Variants in NCKAP5 observed in about 807,000 individuals in gnomAD.
NCKAP5 encodes the protein nck-associated protein 5.
A neutral mutation model predicts 167.0 loss-of-function variants in NCKAP5; 92 were observed. That is an observed-to-expected ratio of 0.55 (90% CI 0.47 to 0.66). NCKAP5 has a LOEUF of 0.66. Among genes scored for constraint, NCKAP5 ranks in the 30% least tolerant of loss-of-function variants. The pLI is 0.00. For synonymous variants in NCKAP5, 891 were observed against 877.4 expected, an observed-to-expected ratio of 1.02 and a Z score of -0.27; for missense variants, 2,378 against 2,315.0, an observed-to-expected ratio of 1.03 and a Z score of -0.56.
chr2:132,982,744 A>G (rs941425912), intron 7 of NCKAP5, among the ~76,000 whole-genome samples: 10 of 152,124 alleles, frequency 6.6e-5, no homozygotes, highest in Non-Finnish European at 1.3e-4. Context: ...GCTCCTTCTT[A>G]TAAGTGACAA....
chr2:133,649,301 C>G, the NCKAP5 span, among the ~76,000 whole-genome samples: 3 of 150,910 alleles, frequency 2.0e-5, no homozygotes, highest in African/African-American at 7.3e-5. Context: ...TGAATACTAC[C>G]AAACTTTAAA....
intron 4 of NCKAP5, among the ~76,000 whole-genome samples, chr2:133,293,798 C>G (rs1483018256): frequency 6.6e-6 from 1 of 152,136 alleles, no homozygotes; most frequent in African/African-American, 2.4e-5. Flanking sequence ...TGGCAGGGGT[C>G]TGGGACTGTC....
intron 6 of NCKAP5, among the ~76,000 whole-genome samples, chr2:133,058,349 C>A (rs556784666): frequency 7.9e-4 from 120 of 152,246 alleles, no homozygotes; most frequent in Admixed American, 1.8e-3. Context: ...TTCCTCTGAT[C>A]CATCTGAGAA....
At chr2:132,739,906 A>G (rs550968359) in intron 16 of NCKAP5, among the ~76,000 whole-genome samples, 1 of 152,302 alleles carries the variant, frequency 6.6e-6, no homozygotes, top group South Asian at 2.1e-4. Context: ...AAAAGCCTAT[A>G]CAAATGATGT....
intron 1 of NCKAP5, among the ~76,000 whole-genome samples, chr2:133,567,631 A>T (rs1057386871): frequency 6.6e-5 from 10 of 151,004 alleles, no homozygotes; most frequent in Non-Finnish European, 1.5e-4. Context: ...TTTTTGATAC[A>T]TACACATTCC....
intron 1 of NCKAP5, among the ~76,000 whole-genome samples, chr2:133,560,002 G>T (rs1442006356): frequency 1.3e-5 from 2 of 152,032 alleles, no homozygotes; most frequent in East Asian, 3.8e-4. Context: ...TTATTCATTT[G>T]CTCTCATACC....
chr2:132,782,522 C>T lies in NCKAP5; in HGVS notation c.4289G>A (p.Arg1430Lys), dbSNP rs777910095. Reference protein sequence around the residue: ...DCPEALQSPGRTQHPSTFETS... With the variant: ...DCPEALQSPGKTQHPSTFETS... Reference sequence around the variant, plus strand: ...TTCAAAAGTGCTTGGATGCTGAGTCCTCCCTGGGCTCTGCAGGGCTTCAGG... The same window carrying T: ...TTCAAAAGTGCTTGGATGCTGAGTCTTCCCTGGGCTCTGCAGGGCTTCAGG... Residue 1430 changes from arginine (R) to lysine (K), a missense_variant, in exon 14 of 20, where the codon AGG becomes AAG. Transcript: ENST00000409261. 6.3e-7 allele frequency: 1 copy of T among 1,599,308 alleles called. No homozygotes were observed. The highest frequency in any genetic ancestry group is 8.5e-7 in the Non-Finnish European group (1 of 1,173,274).
intron 3 of NCKAP5, among the ~76,000 whole-genome samples, chr2:133,389,069 G>C (rs1687213661): frequency 1.3e-5 from 2 of 152,176 alleles, no homozygotes; most frequent in South Asian, 4.1e-4. Context: ...ACAAGCCCCA[G>C]TGAGATGAAC....
Position 133,213,727 on chromosome 2 carries a change from C to T in NCKAP5, c.196G>A (p.Glu66Lys), listed in dbSNP as rs2086305723. The T allele has an allele frequency of 6.2e-7, 1 of 1,613,756 alleles. No homozygotes were observed. Among genetic ancestry groups the T allele is most frequent in the Admixed American group, 1.7e-5 (1 of 59,988 alleles). ...LQREVAQRTS[E>K]GAMHEKLIHE... ...CAGTCAGGACTTACCATGGCCCCCT[C>T]ACTTGTTCTTTGGGCAACTTCTCGC... Residue 66 changes from glutamate (E) to lysine (K), a missense_variant, in exon 5 of 20, where the codon GAG becomes AAG. Transcript: ENST00000409261.
intron 8 of NCKAP5, among the ~76,000 whole-genome samples, chr2:132,921,612 G>A (rs1464038402): frequency 6.6e-6 from 1 of 152,190 alleles, no homozygotes; most frequent in Admixed American, 6.5e-5. Flanking sequence ...AAGGCCTCCT[G>A]GAGGTAGTGG....
At chr2:133,561,572 G>C (rs1688161072) in intron 1 of NCKAP5, among the ~76,000 whole-genome samples, 1 of 152,254 alleles carries the variant, frequency 6.6e-6, no homozygotes, top group African/African-American at 2.4e-5. Context: ...ATAAAACCAA[G>C]TTATGATTGC....
chr2:132,980,220 G>A (rs572621120), intron 7 of NCKAP5, among the ~76,000 whole-genome samples: 1 of 151,816 alleles, frequency 6.6e-6, no homozygotes, highest in Admixed American at 6.6e-5. Context: ...TGGAACTCCT[G>A]GACTCAACTA....
chr2:132,690,725 G>T (rs72844751), intron 19 of NCKAP5, among the ~76,000 whole-genome samples: 14 of 152,176 alleles, frequency 9.2e-5, no homozygotes, highest in African/African-American at 2.6e-4. Flanking sequence ...TTCTGGGAAG[G>T]TTCAGCCAAT....
At chr2:133,658,520 G>A in the NCKAP5 span, among the ~76,000 whole-genome samples, 4 of 152,112 alleles carry the variant, frequency 2.6e-5, no homozygotes, top group African/African-American at 9.7e-5. Context: ...CCTGGGAGTG[G>A]GCATTTCCAG....
intron 8 of NCKAP5, among the ~76,000 whole-genome samples, chr2:132,944,341 C>G (rs192660363): frequency 1.3e-5 from 2 of 152,276 alleles, no homozygotes; most frequent in African/African-American, 2.4e-5. Flanking sequence ...GAGAGATATT[C>G]AAAGTGAATG....
the NCKAP5 span, among the ~76,000 whole-genome samples, chr2:133,578,772 T>G: frequency 6.6e-6 from 1 of 152,216 alleles, no homozygotes; most frequent in Non-Finnish European, 1.5e-5. Context: ...AGTGTCTGCT[T>G]CTAGAGAACC....
the NCKAP5 span, among the ~76,000 whole-genome samples, chr2:133,605,995 C>T: frequency 6.6e-5 from 10 of 152,246 alleles, no homozygotes; most frequent in African/African-American, 2.4e-4. Flanking sequence ...TATCTCTTTG[C>T]ATATGCCACA....
At chr2:133,622,010 A>G in the NCKAP5 span, among the ~76,000 whole-genome samples, 1 of 152,198 alleles carries the variant, frequency 6.6e-6, no homozygotes, top group Non-Finnish European at 1.5e-5. Context: ...GATTCTCCAC[A>G]TAAACATAAT....
intron 5 of NCKAP5, among the ~76,000 whole-genome samples, chr2:133,174,216 CTGA>C (rs1315717050): frequency 6.6e-6 from 1 of 151,970 alleles, no homozygotes; most frequent in Non-Finnish European, 1.5e-5. Flanking sequence ...TTGGGTTTTT[CTGA>C]TGTTTCTCAT....
Sources: allele counts gnomAD v4.1 joint callset (sites outside exome capture counted in the v4.1 genomes callset), GRCh38; gene constraint gnomAD v4.1.1; transcripts MANE v1.5; gene names NCBI Gene and HGNC (gene_info 2026-07-23, HGNC 2026-07-21).